Variants in YKT6 observed in about 807,000 individuals in gnomAD.
The protein encoded by YKT6 is YKT6 vesicular SNARE protein.
YKT6 carries 12 observed loss-of-function variants against 29.3 expected under a neutral mutation model. The observed-to-expected ratio is 0.41, with a 90% CI of 0.26 to 0.66. The LOEUF (loss-of-function observed/expected upper bound fraction) is 0.66, where lower values mean the gene tolerates loss of function less well. Among genes scored for constraint, YKT6 ranks in the 30% least tolerant of loss-of-function variants. The pLI is 0.32. For missense variants in YKT6, 188 were observed against 243.8 expected, an observed-to-expected ratio of 0.77 and a Z score of 1.52; for synonymous variants, 86 against 94.3, an observed-to-expected ratio of 0.91 and a Z score of 0.51.
In YKT6 at chr7:44,204,454, G is replaced by A. The variant is rs758051314; in HGVS notation, c.105-114G>A. Reference sequence around the variant, plus strand: ...TTTGTTACTAGGGATGGGAGGGAAAGGAATGAAACCAAGAAGCAATGTCTA... The same window carrying A: ...TTTGTTACTAGGGATGGGAGGGAAAAGAATGAAACCAAGAAGCAATGTCTA... On this transcript the variant is annotated intron_variant, in intron 1 of 6. Transcript: ENST00000223369. The A allele has an allele frequency of 7.5e-5, 67 of 889,588 alleles. No homozygotes were observed. The African/African-American group carries it at 1.1e-3, about 15-fold the overall frequency. 55.1% of individuals were successfully genotyped at this position (889,588 alleles called of 1,614,324 possible).
Position 44,208,174 on chromosome 7 carries a change from A to G in YKT6, c.435A>G (p.Glu145=), listed in dbSNP as rs2096342969. The part of the protein sequence containing the change: ...EADPMTKVQA[E]LDETKIILHN... ...ATCCCATGACTAAAGTGCAGGCCGA[A>G]CTAGATGAGACCAAAATCATTCTGG... Residue 145 remains glutamate, a synonymous_variant, in exon 5 of 7, where the codon GAA becomes GAG. Coordinates refer to ENST00000223369, the MANE Select transcript of YKT6 (RefSeq NM_006555.4). 1 of 1,613,974 alleles carries G rather than the reference A, an allele frequency of 6.2e-7. No individual in the cohort carries two copies. The highest frequency in any genetic ancestry group is 8.5e-7 in the Non-Finnish European group (1 of 1,180,008).
rs1045520792 is a variant in YKT6 at position 44,212,971 on chromosome 7, G to C, written c.*689G>C. 14 of 152,274 alleles carry C rather than the reference G, an allele frequency of 9.2e-5. No individual in the cohort carries two copies. Among genetic ancestry groups the C allele is most frequent in the African/African-American group, 3.1e-4 (13 of 41,474 alleles). The allele number at this position is 152,274 out of a possible 1,614,324, so 9.4% of individuals were successfully genotyped here. ...AGGTGGCTTGTGGGAGGATTTGGAA[G>C]GAGCTGCATTGTGGGCGGGGAGTGT... is the stretch of plus-strand genomic sequence containing the variant. On this transcript the variant is annotated 3_prime_UTR_variant, in exon 7 of 7. Coordinates refer to ENST00000223369, the MANE Select transcript of YKT6 (RefSeq NM_006555.4).
chr7:44,204,615 C>T lies in YKT6; in HGVS notation c.152C>T (p.Ser51Leu). 6.2e-7 allele frequency: 1 copy of T among 1,614,214 alleles called. No individual in the cohort carries two copies. Among genetic ancestry groups the T allele is most frequent in the Non-Finnish European group, 8.5e-7 (1 of 1,180,046 alleles). The change falls in exon 2 of 7, where the codon TCA becomes TTA. Residue 51 changes from serine (S) to leucine (L), a missense_variant. Ser to Leu is a moderately radical substitution (Grantham distance 145). Transcript: ENST00000223369. Reference protein sequence around the residue: ...TFTSQLIVERSSKGTRASVKE... With the variant: ...TFTSQLIVERLSKGTRASVKE... The stretch of plus-strand genomic sequence containing the variant: ...ACGAGTCAACTGATTGTGGAGCGCT[C>T]ATCGAAAGGCACTAGAGCTTCTGTC...
rs559717550 is a variant in YKT6 at position 44,209,731 on chromosome 7, T to A, written c.460-1292T>A. ...TCTAGCTGCTGCAGCAGTGGCCATC[T>A]GAGGAGAGAAGCGAGCTGCTGCTTC... On this transcript the variant is annotated intron_variant, in intron 5 of 6. Coordinates refer to ENST00000223369, the MANE Select transcript of YKT6 (RefSeq NM_006555.4). Among the ~76,000 whole-genome samples the A allele has an allele frequency of 1.4e-4, 22 of 152,366 alleles. No individual in the cohort carries two copies. The South Asian group carries it at 4.4e-3, about 30-fold the overall frequency.
intron 5 of YKT6, among the ~76,000 whole-genome samples, chr7:44,210,456 T>C (rs1315770606): frequency 6.6e-6 from 1 of 152,200 alleles, no homozygotes; most frequent in African/African-American, 2.4e-5. Flanking sequence ...ACATCAGTCA[T>C]GGAATTAGAT....
At position 44,212,367 on chromosome 7, in the gene YKT6, G is replaced by A. The variant is rs2096347792; in HGVS notation, c.*85G>A. Reference sequence around the variant, plus strand: ...CCCTGGAAAAGAAGAGACAGCCATAGACGAGGAGCCAGAGTGGGGGCAGAC... The same window carrying A: ...CCCTGGAAAAGAAGAGACAGCCATAAACGAGGAGCCAGAGTGGGGGCAGAC... On this transcript the variant is annotated 3_prime_UTR_variant, in exon 7 of 7. Transcript: ENST00000223369. The A allele has an allele frequency of 6.4e-7, 1 of 1,560,732 alleles. No individual in the cohort carries two copies. The highest frequency in any genetic ancestry group is 1.4e-5 in the African/African-American group (1 of 73,756).
chr7:44,206,606 A>G (rs2096341188), intron 3 of YKT6, 121 bp downstream of exon 3: 1 of 931,294 alleles, frequency 1.1e-6, no homozygotes, highest in South Asian at 1.4e-5. Context: ...CAAAGTCAAC[A>G]CATTTTTCAG....
At position 44,206,427 on chromosome 7, in the gene YKT6, G is replaced by A; in HGVS notation, c.230G>A (p.Gly77Asp). 6.2e-7 allele frequency: 1 copy of A among 1,614,102 alleles called. No homozygotes were observed. The highest frequency in any genetic ancestry group is 1.3e-5 in the African/African-American group (1 of 75,038). The change falls in exon 3 of 7, where the codon GGT (glycine) becomes GAT (aspartate). Residue 77 changes from glycine (G) to aspartate (D), a missense_variant. Gly to Asp is a moderately conservative substitution (Grantham distance 94). Coordinates refer to ENST00000223369, the MANE Select transcript of YKT6 (RefSeq NM_006555.4). ...TACGTCCGGAATGATAGTCTTGCAG[G>A]TGTGGTCATTGCTGACAATGAATAC... ...HVYVRNDSLA[G>D]VVIADNEYPS... is the part of the protein sequence containing the mutation.
chr7:44,204,603 T>C lies in YKT6; in HGVS notation c.140T>C (p.Ile47Thr), dbSNP rs1359419247. The C allele has an allele frequency of 3.1e-6, 5 of 1,614,244 alleles. No individual in the cohort carries two copies. The highest frequency in any genetic ancestry group is 2.2e-5 in the East Asian group (1 of 44,888). Reference protein sequence around the residue: ...QEFMTFTSQLIVERSSKGTRA... With the variant: ...QEFMTFTSQLTVERSSKGTRA... ...TTCATGACCTTCACGAGTCAACTGA[T>C]TGTGGAGCGCTCATCGAAAGGCACT... Residue 47 changes from isoleucine to threonine, a missense_variant, in exon 2 of 7, where the codon ATT becomes ACT. This residue lies in a region of YKT6 where 71 missense variants were observed against 67.3 expected (regional missense o/e 1.05). Coordinates refer to ENST00000223369, the MANE Select transcript of YKT6 (RefSeq NM_006555.4).
chr7:44,210,006 T>C (rs1043509245), intron 5 of YKT6, among the ~76,000 whole-genome samples: 7 of 152,252 alleles, frequency 4.6e-5, no homozygotes, highest in Non-Finnish European at 7.3e-5. Context: ...AGAATTTAAT[T>C]TAATTATATA....
intron 3 of YKT6, 156 bp from the exon 4 acceptor site, chr7:44,207,230 TTC>T (rs2096341760): frequency 1.9e-6 from 1 of 536,708 alleles, no homozygotes; most frequent in Non-Finnish European, 3.3e-6. Context: ...AGCCTAGATT[TTC>T]TCTGTTGCCA....
chr7:44,207,924 A>G (rs2096342629), intron 4 of YKT6, among the ~76,000 whole-genome samples: 1 of 152,016 alleles, frequency 6.6e-6, no homozygotes, highest in Admixed American at 6.5e-5. Flanking sequence ...CGGTTTCACC[A>G]TGTTGGTCAG....
intron 2 of YKT6, among the ~76,000 whole-genome samples, chr7:44,205,791 A>T (rs2096340241): frequency 6.6e-6 from 1 of 152,226 alleles, no homozygotes; most frequent in South Asian, 2.1e-4. Context: ...GGATTTTAGC[A>T]CAGTGCTCTG....
At position 44,208,086 on chromosome 7, in the gene YKT6, A is replaced by T. The variant is rs766923233; in HGVS notation, c.394-47A>T. The T allele has an allele frequency of 7.1e-5, 113 of 1,594,010 alleles. No individual in the cohort carries two copies. The highest frequency in any genetic ancestry group is 7.9e-5 in the Non-Finnish European group (92 of 1,164,724). ...TTCCTCAGTTTTAGGTTTTGTTTGCAGGTAGCCACTCCAGTCCTGACTTTA... is the reference window on the plus strand; with the variant it reads ...TTCCTCAGTTTTAGGTTTTGTTTGCTGGTAGCCACTCCAGTCCTGACTTTA... On this transcript the variant is annotated intron_variant, in intron 4 of 6. Transcript: ENST00000223369.
Position 44,212,534 on chromosome 7 carries a change from T to C in YKT6, c.*252T>C. ...TTTTTGGGCAAATGAAACCATAAAC[T>C]CCGACTGGCTTCTGTAGATGCCAAA... On this transcript the variant is annotated 3_prime_UTR_variant, in exon 7 of 7. Coordinates refer to ENST00000223369, the MANE Select transcript of YKT6 (RefSeq NM_006555.4). The C allele has an allele frequency of 2.0e-6, 1 of 490,352 alleles. No homozygotes were observed. The allele number at this position is 490,352 out of a possible 1,614,324, so 30.4% of individuals were successfully genotyped here.
intron 1 of YKT6, among the ~76,000 whole-genome samples, chr7:44,203,254 C>T (rs1026814870): frequency 8.5e-5 from 13 of 152,064 alleles, no homozygotes; most frequent in Non-Finnish European, 1.2e-4. Flanking sequence ...CCACCACACC[C>T]GGCTAATTTT....
chr7:44,209,701 G>A (rs2128840313), intron 5 of YKT6, among the ~76,000 whole-genome samples: 1 of 152,334 alleles, frequency 6.6e-6, no homozygotes, highest in Admixed American at 6.5e-5. Context: ...CGCTTCATGT[G>A]TGCATCTAGC....
Position 44,206,431 on chromosome 7 carries a change from G to A in YKT6, c.234G>A (p.Val78=). The part of the protein sequence containing the change: ...VYVRNDSLAG[V]VIADNEYPSR... ...TCCGGAATGATAGTCTTGCAGGTGT[G>A]GTCATTGCTGACAATGAATACCCAT... Residue 78 remains valine (V), a synonymous_variant, in exon 3 of 7, where the codon GTG becomes GTA. Transcript: ENST00000223369. The A allele has an allele frequency of 6.2e-7, 1 of 1,614,082 alleles. No homozygotes were observed. Among genetic ancestry groups the A allele is most frequent in the Non-Finnish European group, 8.5e-7 (1 of 1,180,036 alleles).
At chr7:44,204,535 A>G in intron 1 of YKT6, 33 bp from the exon 2 acceptor site, 1 of 1,609,692 alleles carries the variant, frequency 6.2e-7, no homozygotes, top group Non-Finnish European at 8.5e-7. Context: ...AGGTGATAAG[A>G]AGTAGGCAAT....
Sources: gnomAD v4.1 joint callset for allele counts (sites outside exome capture counted in the v4.1 genomes callset) on GRCh38, gnomAD v4.1.1 for gene constraint, gnomAD v4.1.1 regional missense constraint, MANE v1.5 for transcripts, NCBI Gene and HGNC (gene_info 2026-07-23, HGNC 2026-07-21) for gene names.